Variants in PTPRG observed in about 807,000 individuals in gnomAD.
The protein encoded by PTPRG is protein tyrosine phosphatase receptor type G.
A neutral mutation model predicts 165.3 loss-of-function variants in PTPRG; 102 were observed. The observed-to-expected ratio is 0.62, with a 90% CI of 0.53 to 0.73. PTPRG has a LOEUF of 0.73. Ranked by LOEUF, PTPRG falls within the 30% of genes least tolerant of loss-of-function variation. The pLI is 0.00. For synonymous variants in PTPRG, 675 were observed against 669.5 expected, an observed-to-expected ratio of 1.01 and a Z score of -0.13; for missense variants, 1,866 against 1,861.4, an observed-to-expected ratio of 1.00 and a Z score of -0.05.
intron 2 of PTPRG, among the ~76,000 whole-genome samples, chr3:61,803,100 A>G (rs2035297944): frequency 6.6e-6 from 1 of 152,222 alleles, no homozygotes; most frequent in Admixed American, 6.5e-5. Context: ...AGACAGAGCC[A>G]GAGCCTAAAA....
intron 1 of PTPRG, among the ~76,000 whole-genome samples, chr3:61,617,196 A>G (rs1701321715): frequency 6.6e-6 from 1 of 152,196 alleles, no homozygotes; most frequent in South Asian, 2.1e-4. Context: ...AGGAACTGCA[A>G]AGTTGCCTGT....
chr3:61,724,111 T>C (rs2106803269), intron 1 of PTPRG, among the ~76,000 whole-genome samples: 1 of 150,848 alleles, frequency 6.6e-6, no homozygotes, highest in South Asian at 2.1e-4. Flanking sequence ...TTGGCGTCTG[T>C]AACCCCAGCT....
chr3:61,655,883 T>C (rs1267769364), intron 1 of PTPRG, among the ~76,000 whole-genome samples: 1 of 152,216 alleles, frequency 6.6e-6, no homozygotes, highest in Non-Finnish European at 1.5e-5. Context: ...TGAAACTGTG[T>C]CTGGCCTGTT....
rs567083212 is a variant in PTPRG, at chr3:61,696,305, C to G, written c.86-52573C>G. Among the ~76,000 whole-genome samples the G allele has an allele frequency of 2.0e-5, 3 of 152,268 alleles. 1 individual carries two copies. Among genetic ancestry groups the G allele is most frequent in the Middle Eastern group, 6.8e-3 (2 of 294 alleles). On this transcript the variant is annotated intron_variant, in intron 1 of 29. Transcript: ENST00000474889. Reference sequence around the variant, plus strand: ...TCGCCTGAGGCCAGGAGTTCGAGACCGGTCTGACCAACATGGGGAAACCCT... The same window carrying G: ...TCGCCTGAGGCCAGGAGTTCGAGACGGGTCTGACCAACATGGGGAAACCCT...
At chr3:61,755,445 T>G (rs900196125) in intron 2 of PTPRG, among the ~76,000 whole-genome samples, 1 of 152,232 alleles carries the variant, frequency 6.6e-6, no homozygotes. Context: ...AACTCCTCAG[T>G]CTCCCCTTTA....
chr3:62,205,307 A>G (rs1197104659), intron 12 of PTPRG, among the ~76,000 whole-genome samples: 1 of 152,154 alleles, frequency 6.6e-6, no homozygotes, highest in Non-Finnish European at 1.5e-5. Context: ...CCCTCTAGGA[A>G]TTACTTTGAA....
intron 1 of PTPRG, among the ~76,000 whole-genome samples, chr3:61,728,394 C>T (rs1490902365): frequency 6.6e-6 from 1 of 152,100 alleles, no homozygotes; most frequent in Non-Finnish European, 1.5e-5. Flanking sequence ...CCAGCCTGGT[C>T]AACATAGCAA....
At chr3:61,675,478 C>T (rs894560715) in intron 1 of PTPRG, among the ~76,000 whole-genome samples, 3 of 152,030 alleles carry the variant, frequency 2.0e-5, no homozygotes, top group African/African-American at 7.2e-5. Flanking sequence ...AACATATCAG[C>T]CAGAAACTGA....
intron 2 of PTPRG, among the ~76,000 whole-genome samples, chr3:61,941,563 C>T (rs892304456): frequency 2.6e-5 from 4 of 152,158 alleles, no homozygotes; most frequent in East Asian, 1.9e-4. Flanking sequence ...GCGGAGGTTG[C>T]AGTGAGCCGA....
At chr3:62,074,413 T>C (rs980646333) in intron 4 of PTPRG, among the ~76,000 whole-genome samples, 1 of 143,246 alleles carries the variant, frequency 7.0e-6, no homozygotes, top group Non-Finnish European at 1.5e-5. Context: ...TGGAGTGCAG[T>C]GGAGCCCTCA....
rs1483629071 is a variant in PTPRG, at chr3:61,843,110, C to G, written c.190+94128C>G. ...TTTATCTCTCAGTTTCATATTGATT[C>G]ATTCTGCAAAGAAAATCCAGTTTTA... On this transcript the variant is annotated intron_variant, in intron 2 of 29. Transcript: ENST00000474889. Among the ~76,000 whole-genome samples the G allele has an allele frequency of 2.6e-5, 4 of 152,178 alleles. 1 individual carries two copies. Among genetic ancestry groups the G allele is most frequent in the South Asian group, 4.1e-4 (2 of 4,824 alleles).
chr3:61,673,071 G>A (rs1290869346), intron 1 of PTPRG, among the ~76,000 whole-genome samples: 1 of 152,080 alleles, frequency 6.6e-6, no homozygotes, highest in Non-Finnish European at 1.5e-5. Flanking sequence ...GAGGTGGAGT[G>A]TATCACTCGA....
At chr3:62,069,637 GTCTCTCTCTCTCTCTCTCTCTCTC>G (rs537162206) in intron 4 of PTPRG, among the ~76,000 whole-genome samples, 4 of 141,062 alleles carry the variant, frequency 2.8e-5, no homozygotes, top group South Asian at 2.5e-4. Context: ...TAGGATCGAT[GTCTCTCTCTCTCTCTCTCTCTCTC>G]TCTCTCTCTC....
chr3:61,773,868 G>A (rs146332733), intron 2 of PTPRG, among the ~76,000 whole-genome samples: 2,053 of 151,572 alleles, frequency 0.014, 28 homozygotes, highest in Middle Eastern at 0.071. Context: ...TCCGTCCCCC[G>A]TGTTCAAGCA....
chr3:61,751,958 C>T (rs941957181), intron 2 of PTPRG, among the ~76,000 whole-genome samples: 18 of 151,794 alleles, frequency 1.2e-4, no homozygotes, highest in Admixed American at 2.0e-4. Flanking sequence ...GCGCCCACTG[C>T]ACTCCAGCCT....
chr3:62,285,524 TGG>T (rs67228745), intron 28 of PTPRG, among the ~76,000 whole-genome samples: 1,079 of 39,260 alleles, frequency 0.027, 17 homozygotes, highest in Middle Eastern at 0.086. Flanking sequence ...AGGTGGTTGT[TGG>T]GGGGGGGGGG....
rs941651439 is a variant in PTPRG at position 61,575,299 on chromosome 3, AAAAT to A, written c.85+12932_85+12935del. Among the ~76,000 whole-genome samples the A allele has an allele frequency of 7.9e-5, 12 of 152,282 alleles. No individual in the cohort carries two copies. In the East Asian group the frequency reaches 2.1e-3, roughly 27 times the overall value. On this transcript the variant is annotated intron_variant, in intron 1 of 29. Transcript: ENST00000474889. ...GACCACATAAACAAAGGATTTTGTG[AAAAT>A]AAATCTTATATGCCTTGGAACCTTT...
intron 1 of PTPRG, among the ~76,000 whole-genome samples, chr3:61,658,416 T>C (rs764099474): frequency 2.0e-5 from 3 of 152,186 alleles, no homozygotes; most frequent in Non-Finnish European, 2.9e-5. Context: ...CATAGCCAGA[T>C]AGCTACAGGT....
intron 2 of PTPRG, among the ~76,000 whole-genome samples, chr3:61,973,024 A>G (rs2040419216): frequency 1.3e-5 from 2 of 152,076 alleles, no homozygotes; most frequent in Admixed American, 6.6e-5. Context: ...AGGGAGAAAA[A>G]TTAATGCTAA....
Sources: allele counts gnomAD v4.1 joint callset (sites outside exome capture counted in the v4.1 genomes callset), GRCh38; gene constraint gnomAD v4.1.1; transcripts MANE v1.5; gene names NCBI Gene and HGNC (gene_info 2026-07-23, HGNC 2026-07-21).